The following SOHLH2 variants were observed in gnomAD, a reference collection of about 807,000 sequenced individuals.
The protein encoded by SOHLH2 is spermatogenesis and oogenesis specific basic helix-loop-helix 2.
Under a neutral mutation model 50.4 loss-of-function variants are expected in SOHLH2, and 22 were observed. That is an observed-to-expected ratio of 0.44 (90% CI 0.31 to 0.62). The LOEUF (loss-of-function observed/expected upper bound fraction) is 0.62. SOHLH2 is among the 20% of genes least tolerant of loss of function. The probability of loss-of-function intolerance (pLI) is 0.08; values close to 1 mark genes in which losing one functional copy is unlikely to be tolerated. For synonymous variants in SOHLH2, 185 were observed against 187.3 expected (o/e 0.99, Z 0.10); for missense variants, 412 against 504.4 (o/e 0.82, Z 1.76).
At chr13:36,207,700 G>C (rs1868862317) in intron 1 of SOHLH2, among the ~76,000 whole-genome samples, 1 of 152,130 alleles carries the variant, frequency 6.6e-6, no homozygotes, top group East Asian at 1.9e-4. Flanking sequence ...GTTGCACTTA[G>C]TCCTCGTGTC....
chr13:36,193,564 CAG>C, intron 4 of SOHLH2, 55 bp downstream of exon 4: 2 of 1,522,122 alleles, frequency 1.3e-6, no homozygotes, highest in Non-Finnish European at 1.8e-6. Flanking sequence ...AATATATGAG[CAG>C]AGTTTTCAAA....
chr13:36,183,158 G>A, intron 6 of SOHLH2: 1 of 385,676 alleles, frequency 2.6e-6, no homozygotes, highest in Non-Finnish European at 5.5e-6. Context: ...GCTTCCTGAG[G>A]GCTCACCAGA....
chr13:36,174,178 C>T (rs1887038549), intron 8 of SOHLH2, among the ~76,000 whole-genome samples: 1 of 152,026 alleles, frequency 6.6e-6, no homozygotes, highest in Non-Finnish European at 1.5e-5. Flanking sequence ...CATCACGTCC[C>T]TGCTGGACCA....
Position 36,201,823 on chromosome 13 carries a change from A to T in SOHLH2, c.263+56T>A, listed in dbSNP as rs182291309. 7.5e-6 allele frequency: 12 copies of T among 1,592,046 alleles called. No homozygotes were observed. In the East Asian group the frequency reaches 2.5e-4, roughly 33 times the overall value. ...TCATCTTTTTAGGAGTTTTTAAAAA[A>T]TGGGTTTTTAAAAAAATGATTCTAA... On this transcript the variant is annotated intron_variant, in intron 2 of 10. Coordinates refer to ENST00000379881, the MANE Select transcript of SOHLH2 (RefSeq NM_017826.3).
Position 36,202,112 on chromosome 13 carries a change from G to A in SOHLH2, c.49-19C>T. 1 of 1,613,296 alleles carries A rather than the reference G, an allele frequency of 6.2e-7. No homozygotes were observed. Among genetic ancestry groups the A allele is most frequent in the Admixed American group, 1.7e-5 (1 of 60,016 alleles). ...TTTTTGCCTGAAAGAGAAGGAAGCA[G>A]AGGCGTCACATAATTATTGCCTAGG... is the stretch of plus-strand genomic sequence containing the variant. On this transcript the variant is annotated intron_variant, in intron 1 of 10. Coordinates refer to ENST00000379881, the MANE Select transcript of SOHLH2 (RefSeq NM_017826.3).
rs1566033415 is a variant in SOHLH2, at chr13:36,169,069, G to A, written c.1258-15C>T. ...CAAAACTGTTGCTGCAAAGAAGGGG[G>A]AAAAACCCACATTAATTGAATCCTC... On this transcript the variant is annotated splice_polypyrimidine_tract_variant and intron_variant, in intron 10 of 10. Coordinates refer to ENST00000379881, the MANE Select transcript of SOHLH2 (RefSeq NM_017826.3). 16 of 1,603,460 alleles carry A rather than the reference G, an allele frequency of 1.0e-5. No individual in the cohort carries two copies. Among genetic ancestry groups the A allele is most frequent in the Non-Finnish European group, 1.3e-5 (15 of 1,176,664 alleles).
intron 2 of SOHLH2, among the ~76,000 whole-genome samples, chr13:36,195,946 C>G (rs1189350451): frequency 2.0e-5 from 3 of 151,908 alleles, no homozygotes; most frequent in African/African-American, 7.3e-5. Flanking sequence ...TTTGCCTGGC[C>G]AACCAAATGT....
Position 36,184,749 on chromosome 13 carries a change from C to T in SOHLH2, c.641+5197G>A, listed in dbSNP as rs1045837133. Among the ~76,000 whole-genome samples, 5 of 152,082 alleles carry T rather than the reference C, an allele frequency of 3.3e-5. No individual in the cohort carries two copies. In the South Asian group the frequency reaches 6.2e-4, roughly 19 times the overall value. Reference sequence around the variant, plus strand: ...CTGGGATTACAGGCGTGAGCCACTGCACCCGCTCTACTTTTTAAATACTTC... The same window carrying T: ...CTGGGATTACAGGCGTGAGCCACTGTACCCGCTCTACTTTTTAAATACTTC... On this transcript the variant is annotated intron_variant, in intron 6 of 10. Transcript: ENST00000379881.
At chr13:36,170,416 C>G in intron 10 of SOHLH2, 115 bp downstream of exon 10, 1 of 1,450,642 alleles carries the variant, frequency 6.9e-7, no homozygotes, top group Non-Finnish European at 9.1e-7. Flanking sequence ...GACTCAGAAT[C>G]AAGCTCTTAG....
At chr13:36,214,079 TTGAG>T (rs1869286474) in intron 1 of SOHLH2, among the ~76,000 whole-genome samples, 1 of 151,856 alleles carries the variant, frequency 6.6e-6, no homozygotes, top group South Asian at 2.1e-4. Context: ...TTCACATTTA[TTGAG>T]TAATTGATGT....
chr13:36,196,163 T>TCACCCAGGCGGGAGTGCAGTGGC (rs1887722938), intron 2 of SOHLH2, among the ~76,000 whole-genome samples: 1 of 151,266 alleles, frequency 6.6e-6, no homozygotes, highest in African/African-American at 2.4e-5. Flanking sequence ...TCTTGCTTTG[T>TCACCCAGGCGGGAGTGCAGTGGC]CACTCAGGCG....
intron 4 of SOHLH2, 39 bp from the exon 5 acceptor site, chr13:36,191,933 C>A: frequency 6.2e-7 from 1 of 1,609,548 alleles, no homozygotes; most frequent in South Asian, 1.1e-5. Context: ...TTTCTGAAGT[C>A]ACTTAAGGAG....
chr13:36,213,109 G>T (rs1256297910), intron 1 of SOHLH2, among the ~76,000 whole-genome samples: 2 of 152,100 alleles, frequency 1.3e-5, no homozygotes, highest in Non-Finnish European at 1.5e-5. Flanking sequence ...AGGAGTCAAG[G>T]GATTTAAACA....
rs765901583 is a variant in SOHLH2 at position 36,168,941 on chromosome 13, G to A, written c.*93C>T. 5.2e-4 allele frequency: 797 copies of A among 1,534,610 alleles called. No homozygotes were observed. Among genetic ancestry groups the A allele is most frequent in the Non-Finnish European group, 6.4e-4 (734 of 1,142,968 alleles). ...CTCTTTTGATATTAGGTCTTTGGGT[G>A]GAGCTTTCAAAATCATTCTTTGTTC... On this transcript the variant is annotated 3_prime_UTR_variant, in exon 11 of 11. Coordinates refer to ENST00000379881, the MANE Select transcript of SOHLH2 (RefSeq NM_017826.3).
At chr13:36,183,381 A>G (rs1173286989) in intron 6 of SOHLH2, among the ~76,000 whole-genome samples, 1 of 152,246 alleles carries the variant, frequency 6.6e-6, no homozygotes. Flanking sequence ...AGGGCATAAT[A>G]TCAATTCAAG....
chr13:36,168,512 A>G lies in SOHLH2; in HGVS notation c.*522T>C, dbSNP rs1886880582. On this transcript the variant is annotated 3_prime_UTR_variant, in exon 11 of 11. Coordinates refer to ENST00000379881, the MANE Select transcript of SOHLH2 (RefSeq NM_017826.3). ...CCCCTCTTTCAGCATCTCTCTGCAT[A>G]TCTTAGTTTGGATGGTGAATGAAGA... 2 of 153,008 alleles carry G rather than the reference A, an allele frequency of 1.3e-5. No individual in the cohort carries two copies. The highest frequency in any genetic ancestry group is 2.1e-4 in the South Asian group (1 of 4,840). The allele number at this position is 153,008 out of a possible 1,614,324, so 9.5% of individuals were successfully genotyped here.
intron 6 of SOHLH2, among the ~76,000 whole-genome samples, chr13:36,180,265 T>C (rs1887213693): frequency 6.6e-6 from 1 of 152,190 alleles, no homozygotes; most frequent in South Asian, 2.1e-4. Context: ...TGATATATTG[T>C]GTCTGTCTCC....
intron 6 of SOHLH2, among the ~76,000 whole-genome samples, chr13:36,181,238 T>G (rs1887247487): frequency 6.6e-6 from 1 of 152,122 alleles, no homozygotes; most frequent in Non-Finnish European, 1.5e-5. Context: ...TAATTTATTT[T>G]TTTATATTTA....
intron 6 of SOHLH2, 134 bp downstream of exon 6, chr13:36,189,808 ATGAG>A: frequency 1.3e-6 from 1 of 780,878 alleles, no homozygotes; most frequent in Non-Finnish European, 1.9e-6. Context: ...ACAAGGCTGA[ATGAG>A]TGAGTGGCAT....
Sources: allele counts gnomAD v4.1 joint callset (sites outside exome capture counted in the v4.1 genomes callset), GRCh38; gene constraint gnomAD v4.1.1; transcripts MANE v1.5; gene names NCBI Gene and HGNC (gene_info 2026-07-23, HGNC 2026-07-21).